Variants in FARP1 observed in about 807,000 individuals in gnomAD.
The protein encoded by FARP1 is FERM, ARHGEF and pleckstrin domain-containing protein 1.
In FARP1, 52 loss-of-function variants were observed where a neutral mutation model predicts 128.8. That is an observed-to-expected ratio of 0.40 (90% CI 0.32 to 0.51). The LOEUF is 0.51. FARP1 is among the 20% of genes least tolerant of loss of function. FARP1 has a pLI of 0.45. For missense variants in FARP1, 1,333 were observed against 1,367.9 expected (o/e 0.97, Z 0.40); for synonymous variants, 580 against 551.8 (o/e 1.05, Z -0.72).
intron 6 of FARP1, 46 bp downstream of exon 6, chr13:98,377,964 A>G (rs1487222601): frequency 7.4e-7 from 1 of 1,356,752 alleles, no homozygotes; most frequent in South Asian, 1.2e-5. Flanking sequence ...AAAATAACAC[A>G]GTGATCTGAT....
chr13:98,379,046 G>A (rs2772353), intron 6 of FARP1, among the ~76,000 whole-genome samples: 4,512 of 63,688 alleles, frequency 0.071, 1,551 homozygotes, highest in African/African-American at 0.42. Flanking sequence ...TATACAATAT[G>A]TAATCTATAT....
chr13:98,160,899 G>A (rs9513364), intron 1 of FARP1, among the ~76,000 whole-genome samples: 36,881 of 151,916 alleles, frequency 0.24, 4,643 homozygotes, highest in Middle Eastern at 0.34. Flanking sequence ...GGCTGGTCTC[G>A]AACTCCTGAC....
At chr13:98,211,201 C>T (rs1042130718) in intron 1 of FARP1, among the ~76,000 whole-genome samples, 9 of 152,190 alleles carry the variant, frequency 5.9e-5, no homozygotes, top group Admixed American at 2.6e-4. Flanking sequence ...GATCCTGGGC[C>T]GTGGACCAGT....
At chr13:98,206,392 CTG>C (rs1173854172) in intron 1 of FARP1, among the ~76,000 whole-genome samples, 8 of 152,146 alleles carry the variant, frequency 5.3e-5, no homozygotes, top group Admixed American at 1.3e-4. Flanking sequence ...TCCAGGGAAG[CTG>C]TTACTGTGAA....
chr13:98,174,041 C>A (rs1303317583), intron 1 of FARP1, among the ~76,000 whole-genome samples: 3 of 152,180 alleles, frequency 2.0e-5, no homozygotes, highest in Non-Finnish European at 2.9e-5. Context: ...TTCCTTCCAA[C>A]TCCAGAATGT....
At chr13:98,309,667 G>A (rs1886364339) in intron 2 of FARP1, among the ~76,000 whole-genome samples, 1 of 152,186 alleles carries the variant, frequency 6.6e-6, no homozygotes, top group Admixed American at 6.5e-5. Flanking sequence ...AAAGGAGGGA[G>A]GAGTTGCCAT....
chr13:98,332,014 A>G (rs1594412050), intron 2 of FARP1, among the ~76,000 whole-genome samples: 1 of 151,914 alleles, frequency 6.6e-6, no homozygotes, highest in South Asian at 2.1e-4. Flanking sequence ...TTACCAGTCC[A>G]TTTTGTAGAT....
chr13:98,293,940 A>G (rs1287526221), intron 2 of FARP1, among the ~76,000 whole-genome samples: 3 of 152,164 alleles, frequency 2.0e-5, no homozygotes, highest in African/African-American at 7.2e-5. Flanking sequence ...TGGGATTGTA[A>G]GGCAAATGTG....
At chr13:98,276,238 T>C (rs1884648842) in intron 2 of FARP1, among the ~76,000 whole-genome samples, 1 of 152,196 alleles carries the variant, frequency 6.6e-6, no homozygotes, top group South Asian at 2.1e-4. Context: ...CAAGACCCAT[T>C]TCTCAATTAT....
rs766765934 is a variant in FARP1, at chr13:98,176,981, C to A, written c.-24+33489C>A. The stretch of plus-strand genomic sequence containing the variant: ...TACACCACGTCGAGGCTCTCAGGCG[C>A]CGCCTCCTCGCCCCTCCTGTCGCCG... On this transcript the variant is annotated intron_variant, in intron 1 of 26. Coordinates refer to ENST00000319562, the MANE Select transcript of FARP1 (RefSeq NM_005766.4). The surrounding 1 kb of genome is among the most constrained non-coding windows in gnomAD (Gnocchi z 6.2). 1 of 1,599,688 alleles carries A rather than the reference C, an allele frequency of 6.3e-7. No individual in the cohort carries two copies. The highest frequency in any genetic ancestry group is 8.5e-7 in the Non-Finnish European group (1 of 1,179,678).
At chr13:98,393,798 T>G (rs1890404733) in intron 12 of FARP1, 80 bp downstream of exon 12, 2 of 1,059,750 alleles carry the variant, frequency 1.9e-6, no homozygotes, top group African/African-American at 3.1e-5. Context: ...AGAGCGGGCT[T>G]TCTTGTTCTC....
intron 2 of FARP1, among the ~76,000 whole-genome samples, chr13:98,295,680 A>G (rs1337515936): frequency 6.6e-6 from 1 of 152,172 alleles, no homozygotes; most frequent in Non-Finnish European, 1.5e-5. Context: ...GACATTTGGA[A>G]TTTTCTTCCC....
chr13:98,383,095 G>A (rs1889954100), intron 6 of FARP1, among the ~76,000 whole-genome samples: 1 of 152,194 alleles, frequency 6.6e-6, no homozygotes, highest in South Asian at 2.1e-4. Context: ...TTTCCCCTAG[G>A]AGAAATGATT....
intron 2 of FARP1, among the ~76,000 whole-genome samples, chr13:98,261,438 T>A (rs1439827500): frequency 1.3e-5 from 2 of 151,894 alleles, no homozygotes; most frequent in Non-Finnish European, 2.9e-5. Context: ...AGCATCTTAC[T>A]CCCCTCCTCC....
At chr13:98,271,978 A>C (rs1206357787) in intron 2 of FARP1, among the ~76,000 whole-genome samples, 2 of 152,106 alleles carry the variant, frequency 1.3e-5, no homozygotes, top group Admixed American at 1.3e-4. Flanking sequence ...GTCAAATGGT[A>C]TTTCTAGTTC....
At chr13:98,305,800 G>A (rs1886124868) in intron 2 of FARP1, among the ~76,000 whole-genome samples, 1 of 151,880 alleles carries the variant, frequency 6.6e-6, no homozygotes, top group Non-Finnish European at 1.5e-5. Context: ...CTGGTCCACT[G>A]TTTCTTCTAA....
At chr13:98,263,283 C>T (rs1214190661) in intron 2 of FARP1, among the ~76,000 whole-genome samples, 2 of 152,140 alleles carry the variant, frequency 1.3e-5, no homozygotes, top group Admixed American at 6.5e-5. Context: ...GCTGAGATTA[C>T]AGGCATGAGC....
At chr13:98,285,781 C>G (rs1436401839) in intron 2 of FARP1, among the ~76,000 whole-genome samples, 1 of 152,196 alleles carries the variant, frequency 6.6e-6, no homozygotes, top group Non-Finnish European at 1.5e-5. Context: ...AGGAAGCTTA[C>G]TAAGAAGACA....
At chr13:98,181,643 TGAGAGAGA>T (rs66507306) in intron 1 of FARP1, among the ~76,000 whole-genome samples, 1 of 38,300 alleles carries the variant, frequency 2.6e-5, no homozygotes, top group Non-Finnish European at 5.5e-5. Context: ...TTTATTTATT[TGAGAGAGA>T]GAGAGAGAGA....
Sources: gnomAD v4.1 joint callset for allele counts (sites outside exome capture counted in the v4.1 genomes callset) on GRCh38, gnomAD v4.1.1 for gene constraint, Gnocchi (gnomAD v3.1) non-coding constraint, MANE v1.5 for transcripts, NCBI Gene and HGNC (gene_info 2026-07-23, HGNC 2026-07-21) for gene names.